The following CRB2 variants were observed in gnomAD, a reference collection of about 807,000 sequenced individuals.
CRB2 encodes protein crumbs homolog 2.
CRB2 carries 85 observed loss-of-function variants against 110.9 expected under a neutral mutation model. The ratio of observed to expected loss-of-function variants is 0.77; its 90% confidence interval spans 0.64 to 0.92. CRB2 has a LOEUF of 0.92. Ranked by LOEUF, CRB2 falls within the 40% of genes least tolerant of loss-of-function variation. CRB2 has a pLI of 0.00. For missense variants in CRB2, 1,843 were observed against 1,851.3 expected (o/e 1.00, Z 0.08); for synonymous variants, 907 against 831.0 (o/e 1.09, Z -1.57).
chr9:123,359,450 T>TTTTTTG (rs2041841400), intron 1 of CRB2, among the ~76,000 whole-genome samples: 1 of 138,842 alleles, frequency 7.2e-6, no homozygotes, highest in African/African-American at 2.8e-5. Context: ...TGTTTTTTTT[T>TTTTTTG]TTTTTTTTTT....
At position 123,374,526 on chromosome 9, in the gene CRB2, G is replaced by T. The variant is rs2042073505; in HGVS notation, c.3390-53G>T. The T allele has an allele frequency of 3.7e-6, 5 of 1,337,278 alleles. No individual in the cohort carries two copies. In the East Asian group the frequency reaches 1.2e-4, roughly 31 times the overall value. The allele number at this position is 1,337,278 out of a possible 1,614,324, so 82.8% of individuals were successfully genotyped here. ...GGTGGCCCACGGTCACAGCGCTGGGGAGGGCAGGTCCCAGGTGTCCTGCAC... is the reference window on the plus strand; with the variant it reads ...GGTGGCCCACGGTCACAGCGCTGGGTAGGGCAGGTCCCAGGTGTCCTGCAC... On this transcript the variant is annotated intron_variant, in intron 10 of 12. Coordinates refer to ENST00000373631, the MANE Select transcript of CRB2 (RefSeq NM_173689.7).
upstream of CRB2, among the ~76,000 whole-genome samples, chr9:123,355,817 G>C (rs969930909): frequency 6.6e-6 from 1 of 151,430 alleles, no homozygotes; most frequent in Non-Finnish European, 1.5e-5. Flanking sequence ...GGGCTTGGGA[G>C]AGAGGCCCGG....
At chr9:123,358,254 C>A (rs1003664525) in intron 1 of CRB2, among the ~76,000 whole-genome samples, 2 of 152,212 alleles carry the variant, frequency 1.3e-5, no homozygotes, top group Non-Finnish European at 2.9e-5. Flanking sequence ...CTGAGCTGGG[C>A]CTCTCCATCC....
chr9:123,371,473 C>T lies in CRB2; in HGVS notation c.2331C>T (p.Leu777=), dbSNP rs2042015516. 1 of 1,613,256 alleles carries T rather than the reference C, an allele frequency of 6.2e-7. No homozygotes were observed. Among genetic ancestry groups the T allele is most frequent in the Non-Finnish European group, 8.5e-7 (1 of 1,180,034 alleles). ...ACCTGCGACTCGATGGCTGCCACCT[C>T]CCCTTCTTTCCTCTGCCACTGGATA... The part of the protein sequence containing the change: ...LQDLRLDGCH[L]PFFPLPLDNS... The change falls in exon 8 of 13, where the codon CTC becomes CTT. Residue 777 remains leucine, a synonymous_variant. Transcript: ENST00000373631.
At position 123,361,139 on chromosome 9, in the gene CRB2, G is replaced by A. The variant is rs28678030; in HGVS notation, c.95-1726G>A. ...AGCTTCAGATTGGATGGGCGGGGAG[G>A]GGGGGGGGTTCCTTGCACTGCACAG... On this transcript the variant is annotated intron_variant, in intron 1 of 12. Transcript: ENST00000373631. 1.5e-4 allele frequency among the ~76,000 whole-genome samples: 17 copies of A among 110,834 alleles called. 2 individuals carry two copies. Among genetic ancestry groups the A allele is most frequent in the Admixed American group, 1.2e-3 (13 of 10,914 alleles). 72.7% of individuals were successfully genotyped at this position (110,834 alleles called of 152,430 possible).
Position 123,373,135 on chromosome 9 carries a change from T to C in CRB2, c.2604T>C (p.Cys868=). ...CCCTGAGGCTCCTTCTCTCCGCAGG[T>C]GTGGCGGAGGCCACGTTCCGCGAGG... is the stretch of plus-strand genomic sequence containing the variant. ...TCEEVPDGFV[C]VAEATFREGP... is the part of the protein sequence containing the mutation. The change falls in exon 10 of 13, where the codon TGT becomes TGC. Residue 868 remains cysteine (C), a splice_region_variant and synonymous_variant. Transcript: ENST00000373631. The C allele has an allele frequency of 6.7e-7, 1 of 1,502,428 alleles. No homozygotes were observed. Among genetic ancestry groups the C allele is most frequent in the Non-Finnish European group, 8.8e-7 (1 of 1,130,472 alleles). 93.1% of individuals were successfully genotyped at this position (1,502,428 alleles called of 1,614,324 possible). A position where few individuals can be genotyped will look rare whatever the true frequency, so the allele number is the denominator to read the frequency against.
Position 123,367,220 on chromosome 9 carries a change from G to T in CRB2, c.803G>T (p.Ser268Ile). ...GTGGACGAGGACGAGTGTGCATCGA[G>T]CCCCTGCCAGCATGGGGGCCGATGC... The part of the protein sequence containing the change: ...CEVDEDECAS[S>I]PCQHGGRCLQ... Residue 268 changes from serine (S) to isoleucine (I), a missense_variant, in exon 5 of 13, where the codon AGC becomes ATC. By Grantham distance (142) the Ser-to-Ile change is moderately radical. Coordinates refer to ENST00000373631, the MANE Select transcript of CRB2 (RefSeq NM_173689.7). 1 of 1,600,648 alleles carries T rather than the reference G, an allele frequency of 6.2e-7. No individual in the cohort carries two copies. Among genetic ancestry groups the T allele is most frequent in the Non-Finnish European group, 8.5e-7 (1 of 1,178,138 alleles).
At position 123,366,525 on chromosome 9, in the gene CRB2, C is replaced by T. The variant is rs534865167; in HGVS notation, c.754+159C>T. Among the ~76,000 whole-genome samples, 111 of 152,350 alleles carry T rather than the reference C, an allele frequency of 7.3e-4. 1 individual carries two copies. The highest frequency in any genetic ancestry group is 2.4e-3 in the African/African-American group (101 of 41,576). On this transcript the variant is annotated intron_variant, in intron 4 of 12. Coordinates refer to ENST00000373631, the MANE Select transcript of CRB2 (RefSeq NM_173689.7). ...TGCAACCTGTCGGAGCCTCAGTTTC[C>T]TGATCTACAAAATAGGGCTGATCGT...
At chr9:123,364,011 T>C (rs1176896686) in intron 2 of CRB2, among the ~76,000 whole-genome samples, 1 of 152,060 alleles carries the variant, frequency 6.6e-6, no homozygotes, top group African/African-American at 2.4e-5. Flanking sequence ...CAGACAACTG[T>C]ACTCTGAGGG....
chr9:123,354,493 A>G (rs2041778445), upstream of CRB2, among the ~76,000 whole-genome samples: 1 of 152,206 alleles, frequency 6.6e-6, no homozygotes, highest in Non-Finnish European at 1.5e-5. Flanking sequence ...CCACCATTTT[A>G]CAGGTGAGGA....
Position 123,367,296 on chromosome 9 carries a change from TG to T in CRB2, c.881del (p.Gly294AlafsTer150). ...ACGGGGGTGTCCAGGCCGCCTTCCC[TG>T]GCGCCTTCAGCTTCCGCCATGCTGC... ...LYGGVQAAFP[G>X]AFSFRHAAGF... On this transcript the variant is annotated frameshift_variant, in exon 5 of 13. Coordinates refer to ENST00000373631, the MANE Select transcript of CRB2 (RefSeq NM_173689.7). LOFTEE classifies it high-confidence loss of function. The T allele has an allele frequency of 6.2e-7, 1 of 1,604,290 alleles. No homozygotes were observed.
chr9:123,364,585 C>T (rs2041908888), intron 2 of CRB2, among the ~76,000 whole-genome samples: 1 of 151,930 alleles, frequency 6.6e-6, no homozygotes. Flanking sequence ...AGGGAAGGGT[C>T]ATGGGAAGGT....
intron 9 of CRB2, 70 bp downstream of exon 9, chr9:123,372,412 C>G: frequency 1.3e-6 from 2 of 1,511,718 alleles, no homozygotes; most frequent in Non-Finnish European, 1.8e-6. Flanking sequence ...CCCATCTGCA[C>G]TCTCAGGGCT....
At position 123,366,251 on chromosome 9, in the gene CRB2, C is replaced by G. The variant is rs916087143; in HGVS notation, c.639C>G (p.Thr213=). The G allele has an allele frequency of 1.3e-6, 2 of 1,482,880 alleles. No homozygotes were observed. The highest frequency in any genetic ancestry group is 2.5e-5 in the Admixed American group (1 of 40,200). 91.9% of individuals were successfully genotyped at this position (1,482,880 alleles called of 1,614,324 possible). A position where few individuals can be genotyped will look rare whatever the true frequency, so the allele number is the denominator to read the frequency against. ...GGTTCCGGTGCGACTGCGCGGGCACCGGCTACGAGGGCACGCACTGCGAGC... is the reference window on the plus strand; with the variant it reads ...GGTTCCGGTGCGACTGCGCGGGCACGGGCTACGAGGGCACGCACTGCGAGC... ...VNGFRCDCAG[T]GYEGTHCERE... The change falls in exon 4 of 13, where the codon ACC becomes ACG. Residue 213 remains threonine, a synonymous_variant. Transcript: ENST00000373631.
intron 1 of CRB2, among the ~76,000 whole-genome samples, chr9:123,357,337 G>T (rs926148647): frequency 1.3e-5 from 2 of 151,976 alleles, no homozygotes; most frequent in African/African-American, 4.8e-5. Flanking sequence ...ACAGGCTGGG[G>T]AGGGAGCCAA....
upstream of CRB2, among the ~76,000 whole-genome samples, chr9:123,354,397 C>G (rs2041777748): frequency 1.3e-5 from 2 of 152,246 alleles, no homozygotes; most frequent in Admixed American, 1.3e-4. Context: ...CTCCCCCCAG[C>G]CCCCCATTGG....
At position 123,370,947 on chromosome 9, in the gene CRB2, G is replaced by A. The variant is rs2042006350; in HGVS notation, c.1894G>A (p.Ala632Thr). The change falls in exon 7 of 13, where the codon GCC becomes ACC. Residue 632 changes from alanine (A) to threonine (T), a missense_variant. Coordinates refer to ENST00000373631, the MANE Select transcript of CRB2 (RefSeq NM_173689.7). ...GTGGACTCATTTCCGTTGCGACTGT[G>A]CCCGGCCCCATAGAGGTCCCACGTG... is the stretch of plus-strand genomic sequence containing the variant. ...DLWTHFRCDCARPHRGPTCAD... is the reference protein window; with the variant it reads ...DLWTHFRCDCTRPHRGPTCAD... 6.2e-7 allele frequency: 1 copy of A among 1,610,170 alleles called. No homozygotes were observed. Among genetic ancestry groups the A allele is most frequent in the Admixed American group, 1.7e-5 (1 of 59,870 alleles).
Position 123,370,478 on chromosome 9 carries a change from C to G in CRB2, c.1425C>G (p.Ala475=), listed in dbSNP as rs1378052084. 4 of 1,613,394 alleles carry G rather than the reference C, an allele frequency of 2.5e-6. No homozygotes were observed. The highest frequency in any genetic ancestry group is 3.4e-6 in the Non-Finnish European group (4 of 1,180,052). ...FRTTLPAGTL[A]TRNDTKESLE... is the part of the protein sequence containing the mutation. ...CCACACTGCCCGCTGGGACCTTGGC[C>G]ACTCGCAATGACACCAAGGAAAGCT... Residue 475 remains alanine, a synonymous_variant, in exon 7 of 13, where the codon GCC becomes GCG. Coordinates refer to ENST00000373631, the MANE Select transcript of CRB2 (RefSeq NM_173689.7).
downstream of CRB2, among the ~76,000 whole-genome samples, chr9:123,379,254 C>T (rs1360991390): frequency 5.3e-5 from 8 of 152,144 alleles, no homozygotes; most frequent in East Asian, 1.9e-4. Flanking sequence ...TTCCCCCGCC[C>T]GCCTCCCCGC....
Sources: gnomAD v4.1 joint callset for allele counts (sites outside exome capture counted in the v4.1 genomes callset) on GRCh38, gnomAD v4.1.1 for gene constraint, MANE v1.5 for transcripts, NCBI Gene and HGNC (gene_info 2026-07-23, HGNC 2026-07-21) for gene names.